HSPH1: variants seen among roughly 807,000 people sequenced by gnomAD.
The protein encoded by HSPH1 is heat shock protein 105 kDa.
Under a neutral mutation model 100.0 loss-of-function variants are expected in HSPH1, and 40 were observed. That is an observed-to-expected ratio of 0.40 (90% CI 0.31 to 0.52). The LOEUF is 0.52. Among genes scored for constraint, HSPH1 ranks in the 20% least tolerant of loss-of-function variants. HSPH1 has a pLI of 0.54. For missense variants in HSPH1, 876 were observed against 1,015.1 expected (o/e 0.86, Z 1.86); for synonymous variants, 403 against 344.0 (o/e 1.17, Z -1.90).
intron 17 of HSPH1, 145 bp downstream of exon 17, chr13:31,138,262 G>A (rs1955956697): frequency 2.7e-6 from 2 of 734,050 alleles, no homozygotes; most frequent in Non-Finnish European, 4.7e-6. Context: ...TGTATTTTGT[G>A]ACAGAATAAT....
In HSPH1 at chr13:31,144,035, T is replaced by TGGGG. The variant is rs1956188819; in HGVS notation, c.1585-116_1585-113dup. On this transcript the variant is annotated intron_variant, in intron 11 of 17. Coordinates refer to ENST00000320027, the MANE Select transcript of HSPH1 (RefSeq NM_006644.4). ...ACTCAATTTCTGAAATCTTAACAGG[T>TGGGG]GGGGAGAAAAGGTACTGGATAAAAA... 4 of 936,832 alleles carry TGGGG rather than the reference T, an allele frequency of 4.3e-6. No individual in the cohort carries two copies. In the Admixed American group the frequency reaches 1.5e-4, roughly 36 times the overall value. 58.0% of individuals were successfully genotyped at this position (936,832 alleles called of 1,614,324 possible). A position where few individuals can be genotyped will look rare whatever the true frequency, so the allele number is the denominator to read the frequency against.
intron 2 of HSPH1, 21 bp from the exon 3 acceptor site, chr13:31,155,675 T>G: frequency 6.4e-7 from 1 of 1,567,426 alleles, no homozygotes; most frequent in Non-Finnish European, 8.6e-7. Context: ...AAGTTTGAGA[T>G]TTTAATTTTT....
In HSPH1 at chr13:31,151,110, T is replaced by C; in HGVS notation, c.745A>G (p.Lys249Glu). Residue 249 changes from lysine (K) to glutamate (E), a missense_variant, in exon 7 of 18, where the codon AAA (lysine) becomes GAA (glutamate). Lys to Glu is a moderately conservative substitution (Grantham distance 56). Transcript: ENST00000320027. Reference protein sequence around the residue: ...KLVEHFCAEFKTKYKLDAKSK... With the variant: ...KLVEHFCAEFETKYKLDAKSK... Reference sequence around the variant, plus strand: ...TTTGCATCCAACTTGTACTTAGTTTTAAATTCTGCACAAAAATGTTCCACT... The same window carrying C: ...TTTGCATCCAACTTGTACTTAGTTTCAAATTCTGCACAAAAATGTTCCACT... 6.2e-7 allele frequency: 1 copy of C among 1,613,726 alleles called. No individual in the cohort carries two copies. The highest frequency in any genetic ancestry group is 1.1e-5 in the South Asian group (1 of 91,072).
At chr13:31,154,537 TA>T in intron 4 of HSPH1, 95 bp downstream of exon 4, 1 of 1,367,108 alleles carries the variant, frequency 7.3e-7, no homozygotes. Flanking sequence ...CGGTCTCTAG[TA>T]ACTAAAGAAC....
chr13:31,158,968 G>A (rs1423468294), intron 1 of HSPH1, 105 bp from the exon 2 acceptor site: 1 of 714,282 alleles, frequency 1.4e-6, no homozygotes, highest in Non-Finnish European at 2.5e-6. Flanking sequence ...AGGGGATAGG[G>A]AACAAGCATA....
intron 2 of HSPH1, among the ~76,000 whole-genome samples, chr13:31,158,409 C>T (rs1286968725): frequency 1.3e-5 from 2 of 151,878 alleles, no homozygotes; most frequent in Non-Finnish European, 2.9e-5. Flanking sequence ...ACTAGCTGGG[C>T]GTGGTGACAC....
rs1467314110 is a variant in HSPH1 at position 31,148,114 on chromosome 13, A to G, written c.1245-22T>C. 6.3e-6 allele frequency: 10 copies of G among 1,597,000 alleles called. No individual in the cohort carries two copies. The Admixed American group carries it at 1.6e-4, about 26-fold the overall frequency. On this transcript the variant is annotated intron_variant, in intron 9 of 17. Coordinates refer to ENST00000320027, the MANE Select transcript of HSPH1 (RefSeq NM_006644.4). ...AACACTAGAGAGAAAAGAAAAAGGC[A>G]TTCAGCAGATGAAGAACTTAAAATA...
chr13:31,139,298 A>C (rs1956002846), intron 14 of HSPH1, 191 bp from the exon 15 acceptor site: 5 of 562,588 alleles, frequency 8.9e-6, no homozygotes, highest in Non-Finnish European at 1.3e-5. Flanking sequence ...TTAGAAGCCC[A>C]ATCTGTACAA....
chr13:31,141,932 C>T (rs1234154692), intron 12 of HSPH1, among the ~76,000 whole-genome samples: 1 of 151,962 alleles, frequency 6.6e-6, no homozygotes, highest in Non-Finnish European at 1.5e-5. Context: ...GTGACACATG[C>T]CAATCATTTA....
At chr13:31,144,079 T>G (rs1014276344) in intron 11 of HSPH1, among the ~76,000 whole-genome samples, 156 bp from the exon 12 acceptor site, 1 of 152,178 alleles carries the variant, frequency 6.6e-6, no homozygotes, top group African/African-American at 2.4e-5. Context: ...ACAAAGTACT[T>G]GAAAACTTCT....
chr13:31,156,346 T>C (rs950351332), intron 2 of HSPH1, among the ~76,000 whole-genome samples: 13 of 152,018 alleles, frequency 8.6e-5, no homozygotes, highest in African/African-American at 3.1e-4. Context: ...GCCAAGATCG[T>C]GTCACTGCAC....
At position 31,154,731 on chromosome 13, in the gene HSPH1, G is replaced by A. The variant is rs866476250; in HGVS notation, c.331C>T (p.Leu111=). The A allele has an allele frequency of 7.4e-6, 12 of 1,613,494 alleles. No individual in the cohort carries two copies. In the African/African-American group the frequency reaches 1.5e-4, roughly 20 times the overall value. ...IKVMYMGEEH[L]FSVEQITAML... ...GCTGTTATCTGCTCCACACTAAATA[G>A]ATGTTCTTCACCCATGTACATTACC... The change falls in exon 4 of 18, where the codon CTA becomes TTA. Residue 111 remains leucine (L), a synonymous_variant. Coordinates refer to ENST00000320027, the MANE Select transcript of HSPH1 (RefSeq NM_006644.4).
At chr13:31,160,180 A>G (rs1331850648) in intron 1 of HSPH1, among the ~76,000 whole-genome samples, 1 of 152,098 alleles carries the variant, frequency 6.6e-6, no homozygotes, top group African/African-American at 2.4e-5. Flanking sequence ...GTTTTATTGG[A>G]TCAACCAGAA....
rs1309974575 is a variant in HSPH1 at position 31,161,805 on chromosome 13, G to A, written c.-223C>T. 1.3e-5 allele frequency: 19 copies of A among 1,485,780 alleles called. No homozygotes were observed. The highest frequency in any genetic ancestry group is 6.5e-5 in the South Asian group (5 of 77,480). 92.0% of individuals were successfully genotyped at this position (1,485,780 alleles called of 1,614,324 possible). On this transcript the variant is annotated 5_prime_UTR_variant, in exon 1 of 18. Transcript: ENST00000320027. Reference sequence around the variant, plus strand: ...GGCTGGCTGATAAGAAACCCTGGGAGAAAGCGGGGCTCAGCCTCCGCAGGT... The same window carrying A: ...GGCTGGCTGATAAGAAACCCTGGGAAAAAGCGGGGCTCAGCCTCCGCAGGT...
At chr13:31,137,933 G>A (rs1273893637) in intron 17 of HSPH1, among the ~76,000 whole-genome samples, 1 of 152,106 alleles carries the variant, frequency 6.6e-6, no homozygotes, top group East Asian at 1.9e-4. Context: ...CCTTCACTGT[G>A]TTTGAACATT....
chr13:31,162,072 C>G (rs905793516), upstream of HSPH1: 23 of 1,536,040 alleles, frequency 1.5e-5, no homozygotes, highest in African/African-American at 4.1e-5. Flanking sequence ...AGCCGGTCCC[C>G]GGAGAACGGC....
At chr13:31,144,160 G>A (rs1021237043) in intron 11 of HSPH1, among the ~76,000 whole-genome samples, 1 of 152,108 alleles carries the variant, frequency 6.6e-6, no homozygotes, top group Non-Finnish European at 1.5e-5. Flanking sequence ...ACACAAGTAA[G>A]CATTTAATTG....
chr13:31,145,653 C>T lies in HSPH1; in HGVS notation c.1494G>A (p.Val498=), dbSNP rs1158452813. 2.5e-6 allele frequency: 4 copies of T among 1,613,650 alleles called. No homozygotes were observed. The highest frequency in any genetic ancestry group is 3.4e-6 in the Non-Finnish European group (4 of 1,179,764). The change falls in exon 11 of 18, where the codon GTG becomes GTA. Residue 498 remains valine (V), a synonymous_variant. Transcript: ENST00000320027. ...CATTCTCCTCAGTTGGGACTTTCTC[C>T]ACCATAGATGCCGTAGAGATGGTGA... ...GIFTISTASM[V]EKVPTEENEM...
At chr13:31,143,167 T>C (rs929574016) in intron 12 of HSPH1, among the ~76,000 whole-genome samples, 5 of 152,120 alleles carry the variant, frequency 3.3e-5, no homozygotes. Flanking sequence ...ATACGGTGAT[T>C]CATAGTTAAC....
Sources: allele counts gnomAD v4.1 joint callset (sites outside exome capture counted in the v4.1 genomes callset), GRCh38; gene constraint gnomAD v4.1.1; transcripts MANE v1.5; gene names NCBI Gene and HGNC (gene_info 2026-07-23, HGNC 2026-07-21).